SLC4A10: variants seen among roughly 807,000 people sequenced by gnomAD.
SLC4A10 encodes the protein sodium-driven chloride bicarbonate exchanger.
SLC4A10 carries 42 observed loss-of-function variants against 137.7 expected under a neutral mutation model. The observed-to-expected ratio is 0.30, with a 90% confidence interval of 0.24 to 0.39. The LOEUF is 0.39. Among genes scored for constraint, SLC4A10 ranks in the 10% least tolerant of loss-of-function variants. The pLI, the probability that SLC4A10 is intolerant of heterozygous loss-of-function variation, is 1.00. For missense variants in SLC4A10, 925 were observed against 1,355.0 expected (o/e 0.68, Z 4.98); for synonymous variants, 474 against 464.1 (o/e 1.02, Z -0.27).
intron 1 of SLC4A10, among the ~76,000 whole-genome samples, chr2:161,730,464 CTATT>C (rs1230586498): frequency 2.0e-5 from 3 of 152,140 alleles, no homozygotes; most frequent in Non-Finnish European, 2.9e-5. Flanking sequence ...TATTATCTAT[CTATT>C]TATCTATTAT....
chr2:161,834,109 C>T lies in SLC4A10; in HGVS notation c.278-5680C>T, dbSNP rs992404082. Reference sequence around the variant, plus strand: ...CCTCAGGCCAGCCTGATTGGTACATCCTCCAAATGGTAGTCCAGCTAAAGG... The same window carrying T: ...CCTCAGGCCAGCCTGATTGGTACATTCTCCAAATGGTAGTCCAGCTAAAGG... On this transcript the variant is annotated intron_variant, in intron 3 of 26. Coordinates refer to ENST00000446997, the MANE Select transcript of SLC4A10 (RefSeq NM_001178015.2). 2.0e-5 allele frequency among the ~76,000 whole-genome samples: 3 copies of T among 152,234 alleles called. No individual in the cohort carries two copies. In the East Asian group the frequency reaches 5.8e-4, roughly 29 times the overall value.
At chr2:161,714,545 A>AT (rs2125079309) in intron 1 of SLC4A10, among the ~76,000 whole-genome samples, 1 of 152,068 alleles carries the variant, frequency 6.6e-6, no homozygotes, top group East Asian at 1.9e-4. Flanking sequence ...GGTTCCAGTG[A>AT]AGCATATTAT....
intron 1 of SLC4A10, among the ~76,000 whole-genome samples, chr2:161,721,526 G>T (rs1559107251): frequency 6.6e-6 from 1 of 152,162 alleles, no homozygotes; most frequent in Admixed American, 6.5e-5. Context: ...AGTCTCTGCT[G>T]GCTTATAGGG....
chr2:161,772,768 C>T (rs968852790), intron 2 of SLC4A10, among the ~76,000 whole-genome samples: 6 of 151,824 alleles, frequency 4.0e-5, no homozygotes, highest in East Asian at 1.9e-4. Flanking sequence ...TTTATATTGA[C>T]GTTCTAATAT....
chr2:161,804,323 G>A, intron 2 of SLC4A10, 126 bp from the exon 3 acceptor site: 2 of 1,020,744 alleles, frequency 2.0e-6, no homozygotes, highest in Non-Finnish European at 2.8e-6. Flanking sequence ...CAAGCTTTAT[G>A]TATCATAAAC....
chr2:161,719,746 G>GTTGT (rs529851660), intron 1 of SLC4A10, among the ~76,000 whole-genome samples: 12,277 of 151,838 alleles, frequency 0.081, 532 homozygotes, highest in East Asian at 0.14. Flanking sequence ...TTTTGATGGG[G>GTTGT]TTGTTTTTTT....
At chr2:161,907,083 AATCACGAAATGATATTATGTT>A in intron 15 of SLC4A10, among the ~76,000 whole-genome samples, 1 of 149,824 alleles carries the variant, frequency 6.7e-6, no homozygotes, top group African/African-American at 2.4e-5. Flanking sequence ...AAAAAAAAAG[AATCACGAAATGATATTATGTT>A]GAAAATAATG....
At chr2:161,882,112 C>T (rs996406794) in intron 9 of SLC4A10, among the ~76,000 whole-genome samples, 6 of 149,232 alleles carry the variant, frequency 4.0e-5, no homozygotes, top group Non-Finnish European at 5.9e-5. Flanking sequence ...GATAACTAAA[C>T]GGAGAAACAC....
rs372570626 is a variant in SLC4A10 at position 161,839,885 on chromosome 2, G to T, written c.374G>T (p.Cys125Phe). Residue 125 changes from cysteine to phenylalanine, a missense_variant, in exon 4 of 27, where the codon TGT becomes TTT. Cys to Phe is a radical substitution (Grantham distance 205). Transcript: ENST00000446997. ...CTTTTCACAGAACTGGATGAGATTT[G>T]TTGGCGTGAAGGTGAGGACGCTGAG... Reference protein sequence around the residue: ...HDLFTELDEICWREGEDAEWR... With the variant: ...HDLFTELDEIFWREGEDAEWR... The T allele has an allele frequency of 6.2e-6, 10 of 1,613,846 alleles. No homozygotes were observed. Among genetic ancestry groups the T allele is most frequent in the Non-Finnish European group, 8.5e-6 (10 of 1,179,862 alleles).
At chr2:161,828,687 T>C (rs1473969753) in intron 3 of SLC4A10, among the ~76,000 whole-genome samples, 1 of 144,418 alleles carries the variant, frequency 6.9e-6, no homozygotes, top group Non-Finnish European at 1.5e-5. Context: ...ACAACCTGGC[T>C]ATTGTTTTAC....
intron 3 of SLC4A10, among the ~76,000 whole-genome samples, chr2:161,821,631 T>C (rs1338050990): frequency 6.6e-6 from 1 of 152,156 alleles, no homozygotes; most frequent in East Asian, 1.9e-4. Flanking sequence ...CTAATAAAAA[T>C]AACAATTTTT....
intron 2 of SLC4A10, among the ~76,000 whole-genome samples, chr2:161,794,729 C>T (rs2054574071): frequency 6.6e-6 from 1 of 152,140 alleles, no homozygotes; most frequent in Admixed American, 6.6e-5. Flanking sequence ...GCTCTTCTCC[C>T]TTACCCTCCT....
intron 15 of SLC4A10, among the ~76,000 whole-genome samples, chr2:161,927,615 C>A (rs1689415966): frequency 6.6e-6 from 1 of 152,102 alleles, no homozygotes; most frequent in South Asian, 2.1e-4. Flanking sequence ...TTTTCGCAAC[C>A]TACTCATCTG....
chr2:161,934,660 T>C (rs577896159), intron 15 of SLC4A10, among the ~76,000 whole-genome samples: 1 of 152,314 alleles, frequency 6.6e-6, no homozygotes, highest in East Asian at 1.9e-4. Flanking sequence ...TGAGGTAGTA[T>C]CTCTGTGGTT....
chr2:161,882,192 A>G (rs1045386403), intron 9 of SLC4A10, among the ~76,000 whole-genome samples, 165 bp from the exon 10 acceptor site: 1 of 151,868 alleles, frequency 6.6e-6, no homozygotes, highest in Non-Finnish European at 1.5e-5. Context: ...ATAAGGGTCA[A>G]TCATGGTAAA....
intron 15 of SLC4A10, among the ~76,000 whole-genome samples, chr2:161,940,823 G>T (rs1398412417): frequency 6.6e-6 from 1 of 152,198 alleles, no homozygotes; most frequent in Non-Finnish European, 1.5e-5. Context: ...ACCACAGCAG[G>T]CAGGGCACTG....
At chr2:161,772,091 A>G (rs1239725232) in intron 2 of SLC4A10, among the ~76,000 whole-genome samples, 1 of 151,822 alleles carries the variant, frequency 6.6e-6, no homozygotes, top group Non-Finnish European at 1.5e-5. Flanking sequence ...CTTGCCTGAC[A>G]TTTTGCTTGT....
chr2:161,799,633 T>C (rs1282100250), intron 2 of SLC4A10, among the ~76,000 whole-genome samples: 4 of 152,128 alleles, frequency 2.6e-5, no homozygotes, highest in Middle Eastern at 3.4e-3. Flanking sequence ...TATTAGTGTC[T>C]ACCATGTAAC....
At chr2:161,669,161 T>G (rs2039416529) in intron 1 of SLC4A10, among the ~76,000 whole-genome samples, 3 of 151,956 alleles carry the variant, frequency 2.0e-5, no homozygotes, top group Admixed American at 2.0e-4. Context: ...AAACAATTTA[T>G]TTTTAGCCCA....
Sources: allele counts gnomAD v4.1 joint callset (sites outside exome capture counted in the v4.1 genomes callset), GRCh38; gene constraint gnomAD v4.1.1; transcripts MANE v1.5; gene names NCBI Gene and HGNC (gene_info 2026-07-23, HGNC 2026-07-21).